Variants in TRPM5 observed in about 807,000 individuals in gnomAD.
TRPM5 encodes transient receptor potential cation channel subfamily M member 5, also known as MLSN1 and TRP-related.
TRPM5 carries 121 observed loss-of-function variants against 124.9 expected under a neutral mutation model. That is an observed-to-expected ratio of 0.97 (90% confidence interval 0.84 to 1.13). TRPM5 has a LOEUF of 1.13. Ranked by LOEUF, TRPM5 falls within the 50% of genes most tolerant of loss-of-function variation. The probability of loss-of-function intolerance (pLI) is 0.00; values close to 1 mark genes in which losing one functional copy is unlikely to be tolerated. For synonymous variants in TRPM5, 781 were observed against 700.5 expected (o/e 1.11, Z -1.81); for missense variants, 1,643 against 1,589.1 (o/e 1.03, Z -0.58).
intron 2 of TRPM5, 35 bp downstream of exon 7, chr11:2,422,106 G>A (rs1247854334): frequency 3.2e-6 from 5 of 1,550,348 alleles, no homozygotes; most frequent in East Asian, 2.3e-5. Flanking sequence ...TGCCCTGTGG[G>A]GTGGGAGCGC....
At chr11:2,435,693 C>A in the TRPM5 span, among the ~76,000 whole-genome samples, 116 of 152,018 alleles carry the variant, frequency 7.6e-4, no homozygotes, top group Non-Finnish European at 1.5e-3. This position sits in a 1 kb window ranked among gnomAD's most constrained non-coding sequence, Gnocchi z 4.1. Flanking sequence ...GTCCATCTGT[C>A]CATCTATCCA....
At chr11:2,429,754 C>T in the TRPM5 span, among the ~76,000 whole-genome samples, 1 of 151,784 alleles carries the variant, frequency 6.6e-6, no homozygotes, top group African/African-American at 2.4e-5. The surrounding 1 kb of genome is among the most constrained non-coding windows in gnomAD (Gnocchi z 8.4). Context: ...ATGATGATGG[C>T]ATGGGTGCTT....
chr11:2,437,917 T>C, the TRPM5 span, among the ~76,000 whole-genome samples: 1 of 152,112 alleles, frequency 6.6e-6, no homozygotes, highest in African/African-American at 2.4e-5. This position sits in a 1 kb window ranked among gnomAD's most constrained non-coding sequence, Gnocchi z 5.6. Flanking sequence ...GGCTTGCTGA[T>C]GAACGTAAAT....
At chr11:2,414,615 C>A in intron 11 of TRPM5, 100 bp downstream of exon 16, 1 of 1,411,764 alleles carries the variant, frequency 7.1e-7, no homozygotes, top group Non-Finnish European at 9.3e-7. Flanking sequence ...AGCCCCACGG[C>A]GGTAACAGGC....
At chr11:2,433,441 T>C in the TRPM5 span, among the ~76,000 whole-genome samples, 1 of 152,260 alleles carries the variant, frequency 6.6e-6, no homozygotes, top group Admixed American at 6.5e-5. Flanking sequence ...GGCCGAGCGC[T>C]GCCCGGGCCC....
the TRPM5 span, among the ~76,000 whole-genome samples, chr11:2,432,138 G>T: frequency 7.5e-3 from 1,144 of 152,330 alleles, 8 homozygotes; most frequent in Middle Eastern, 0.037. Context: ...CTGTCTGCCC[G>T]CTCTAGCCAT....
chr11:2,407,881 C>T, exon 19 of TRPM5: 1 of 1,613,852 alleles, frequency 6.2e-7, no homozygotes, highest in Non-Finnish European at 8.5e-7. Flanking sequence ...CCTCCAGCAG[C>T]AGTGGGTGGG....
chr11:2,412,010 A>T, intron 16 of TRPM5, 125 bp downstream of exon 21: 1 of 956,788 alleles, frequency 1.0e-6, no homozygotes, highest in Non-Finnish European at 1.6e-6. Flanking sequence ...CAAGTGACCC[A>T]CCCACCTCAG....
At chr11:2,409,814 C>T (rs866408827) in intron 18 of TRPM5, among the ~76,000 whole-genome samples, 2 of 152,180 alleles carry the variant, frequency 1.3e-5, no homozygotes, top group South Asian at 2.1e-4. Context: ...CGTTTCAGCA[C>T]GGGGCTCTGA....
chr11:2,444,157 C>T, the TRPM5 span, among the ~76,000 whole-genome samples: 2 of 152,188 alleles, frequency 1.3e-5, no homozygotes, highest in African/African-American at 4.8e-5. Flanking sequence ...TGGGAGGTAC[C>T]TGACAGTGGT....
chr11:2,416,130 A>G (rs1051137238), intron 7 of TRPM5, 106 bp from the exon 13 acceptor site: 1 of 751,650 alleles, frequency 1.3e-6, no homozygotes, highest in South Asian at 1.8e-5. Context: ...GGAAACGGGA[A>G]CTTCACGCTG....
chr11:2,421,966 G>C (rs1215830900), intron 2 of TRPM5, among the ~76,000 whole-genome samples, 175 bp downstream of exon 7: 1 of 151,896 alleles, frequency 6.6e-6, no homozygotes, highest in Non-Finnish European at 1.5e-5. Flanking sequence ...TGGAGAGTCA[G>C]GGGGTCTGGC....
At chr11:2,423,568 G>A (rs1845801422), upstream of TRPM5, among the ~76,000 whole-genome samples, 1 of 152,166 alleles carries the variant, frequency 6.6e-6, no homozygotes, top group African/African-American at 2.4e-5. Context: ...CGGTGTGGAC[G>A]AGAGACCACC....
chr11:2,421,450 A>G (rs1217410940), intron 2 of TRPM5, among the ~76,000 whole-genome samples: 2 of 152,166 alleles, frequency 1.3e-5, no homozygotes, highest in Admixed American at 1.3e-4. Flanking sequence ...CCTGGAGCGC[A>G]CAAACTGGGG....
intron 19 of TRPM5, 118 bp from the exon 25 acceptor site, chr11:2,407,418 C>A: frequency 9.9e-7 from 1 of 1,012,646 alleles, no homozygotes; most frequent in Non-Finnish European, 1.4e-6. Flanking sequence ...CCCAGCACTG[C>A]TTCTGCGTTG....
At chr11:2,406,834 G>A (rs1344987891) in intron 20 of TRPM5, 41 bp from the exon 26 acceptor site, 12 of 1,588,572 alleles carry the variant, frequency 7.6e-6, no homozygotes, top group African/African-American at 1.3e-5. Context: ...TAGAGCATGT[G>A]GGCGTCAGTG....
chr11:2,417,888 G>A, intron 6 of TRPM5, 59 bp from the exon 12 acceptor site: 1 of 1,470,034 alleles, frequency 6.8e-7, no homozygotes, highest in Non-Finnish European at 9.3e-7. Context: ...GGCAGAGGCA[G>A]GCCGTGGTAG....
At chr11:2,423,248 C>T (rs1198367007), upstream of TRPM5, among the ~76,000 whole-genome samples, 3 of 152,154 alleles carry the variant, frequency 2.0e-5, no homozygotes, top group Non-Finnish European at 4.4e-5. Context: ...CCTGCAGCTC[C>T]GACACTCGCT....
At chr11:2,413,437 C>T in intron 13 of TRPM5, 39 bp downstream of exon 18, 1 of 1,558,646 alleles carries the variant, frequency 6.4e-7, no homozygotes, top group Non-Finnish European at 8.7e-7. Flanking sequence ...ACTCGCACTG[C>T]TGCCTGTCCT....
Sources: allele counts gnomAD v4.1 joint callset (sites outside exome capture counted in the v4.1 genomes callset), GRCh38; gene constraint gnomAD v4.1.1; non-coding constraint Gnocchi (gnomAD v3.1); transcripts MANE v1.5; gene names NCBI Gene and HGNC (gene_info 2026-07-23, HGNC 2026-07-21).